Variants in LPAR1 observed in about 807,000 individuals in gnomAD.
The protein encoded by LPAR1 is LPA receptor 1.
In LPAR1, 5 loss-of-function variants were observed where a neutral mutation model predicts 23.8. That is an observed-to-expected ratio of 0.21 (90% CI 0.11 to 0.44). LPAR1 has a LOEUF of 0.44. LPAR1 is among the 20% of genes least tolerant of loss of function. The probability of loss-of-function intolerance (pLI) is 0.99; values close to 1 mark genes in which losing one functional copy is unlikely to be tolerated. For missense variants in LPAR1, 311 were observed against 482.8 expected (o/e 0.64, Z 3.33); for synonymous variants, 160 against 164.7 (o/e 0.97, Z 0.22).
intron 5 of LPAR1, among the ~76,000 whole-genome samples, chr9:110,922,991 C>G (rs2093744353): frequency 6.6e-6 from 1 of 151,954 alleles, no homozygotes; most frequent in African/African-American, 2.4e-5. Flanking sequence ...CCTCCCTCAG[C>G]CCCCCAACCC....
At chr9:111,004,166 G>A (rs999468877) in intron 2 of LPAR1, among the ~76,000 whole-genome samples, 1 of 152,210 alleles carries the variant, frequency 6.6e-6, no homozygotes, top group South Asian at 2.1e-4. Context: ...CACCAATTTT[G>A]GCTAACAATG....
intron 2 of LPAR1, among the ~76,000 whole-genome samples, chr9:110,980,476 C>T (rs1191889394): frequency 4.0e-5 from 6 of 151,828 alleles, no homozygotes; most frequent in Non-Finnish European, 4.4e-5. Context: ...TGCAGCAACA[C>T]GGGTGAGCCT....
rs2095494458 is a variant in LPAR1 at position 110,949,278 on chromosome 9, C to G, written c.46-7110G>C. Among the ~76,000 whole-genome samples the G allele has an allele frequency of 2.6e-5, 4 of 152,148 alleles. No individual in the cohort carries two copies. In the South Asian group the frequency reaches 6.2e-4, roughly 24 times the overall value. On this transcript the variant is annotated intron_variant, in intron 4 of 5. Transcript: ENST00000683809. ...CTCATCTTCCAAAAGGAAAAAAACA[C>G]AGGAGGATGCCACATGTGAGAATCC... is the stretch of plus-strand genomic sequence containing the variant.
At chr9:110,992,270 A>G (rs142274312) in intron 2 of LPAR1, among the ~76,000 whole-genome samples, 1 of 152,206 alleles carries the variant, frequency 6.6e-6, no homozygotes, top group East Asian at 1.9e-4. Context: ...AAGAGCAATT[A>G]GGAAAAATGC....
chr9:110,943,550 A>G (rs2095253666), intron 4 of LPAR1, among the ~76,000 whole-genome samples: 1 of 152,060 alleles, frequency 6.6e-6, no homozygotes, highest in Admixed American at 6.6e-5. Flanking sequence ...TTATCTCTTT[A>G]CTTGTCTGCT....
intron 5 of LPAR1, among the ~76,000 whole-genome samples, chr9:110,931,827 G>A (rs1301857329): frequency 6.6e-6 from 1 of 152,222 alleles, no homozygotes; most frequent in Non-Finnish European, 1.5e-5. Flanking sequence ...AGATCAGATG[G>A]TTGTAGATAT....
chr9:111,001,866 G>C (rs770770013), intron 2 of LPAR1, among the ~76,000 whole-genome samples: 2 of 152,140 alleles, frequency 1.3e-5, no homozygotes, highest in Non-Finnish European at 2.9e-5. Flanking sequence ...TCAGCAGACA[G>C]ATTAAAAGCT....
chr9:111,031,580 C>A (rs1019697229), intron 2 of LPAR1, among the ~76,000 whole-genome samples: 1 of 152,040 alleles, frequency 6.6e-6, no homozygotes, highest in Non-Finnish European at 1.5e-5. Context: ...CACTGCACTC[C>A]AAGACCCTAT....
chr9:110,900,878 G>A (rs1156418618), intron 5 of LPAR1, among the ~76,000 whole-genome samples: 1 of 152,164 alleles, frequency 6.6e-6, no homozygotes, highest in African/African-American at 2.4e-5. Context: ...CCTTCCCTGT[G>A]TTTTTTAGAT....
chr9:110,891,017 TATAAGGG>T (rs2083991151), intron 5 of LPAR1, among the ~76,000 whole-genome samples: 1 of 152,160 alleles, frequency 6.6e-6, no homozygotes, highest in Non-Finnish European at 1.5e-5. Flanking sequence ...ATTCCACTAA[TATAAGGG>T]ATAAGAAAAG....
intron 2 of LPAR1, among the ~76,000 whole-genome samples, chr9:110,979,993 T>C (rs1437558003): frequency 6.6e-6 from 1 of 152,000 alleles, no homozygotes; most frequent in Non-Finnish European, 1.5e-5. Context: ...GAACAATTAG[T>C]TTAAATAGAA....
At chr9:110,885,193 TTG>T (rs1435262761) in intron 5 of LPAR1, among the ~76,000 whole-genome samples, 3 of 152,228 alleles carry the variant, frequency 2.0e-5, no homozygotes, top group East Asian at 3.8e-4. Context: ...TGACGTTATT[TTG>T]TGTTTCCTAT....
At chr9:110,905,868 T>A (rs1365752101) in intron 5 of LPAR1, among the ~76,000 whole-genome samples, 1 of 152,318 alleles carries the variant, frequency 6.6e-6, no homozygotes, top group East Asian at 1.9e-4. Context: ...TGGCTGCGTG[T>A]CCTGGCTCAA....
chr9:110,977,885 AAGGAAGGAAGGAAGGAAG>A, intron 2 of LPAR1, among the ~76,000 whole-genome samples: 2 of 150,136 alleles, frequency 1.3e-5, no homozygotes, highest in African/African-American at 2.4e-5. Flanking sequence ...GGAAGGAAGG[AAGGAAGGAAGGAAGGAAG>A]GAAGGAAAGA....
intron 2 of LPAR1, among the ~76,000 whole-genome samples, chr9:110,981,773 A>C (rs768733366): frequency 6.6e-6 from 1 of 152,148 alleles, no homozygotes; most frequent in Non-Finnish European, 1.5e-5. Context: ...AAATAAACAA[A>C]TTTACAAGAA....
At chr9:110,999,465 C>G in intron 2 of LPAR1, 1 of 455,626 alleles carries the variant, frequency 2.2e-6, no homozygotes, top group Admixed American at 2.4e-5. Context: ...GCCCTGCTTT[C>G]TAAAACAACC....
intron 1 of LPAR1, among the ~76,000 whole-genome samples, chr9:111,036,687 G>A (rs971569072): frequency 2.0e-5 from 3 of 152,106 alleles, no homozygotes; most frequent in Non-Finnish European, 4.4e-5. Context: ...TTGCGGGCTC[G>A]GATGATGACA....
intron 4 of LPAR1, among the ~76,000 whole-genome samples, chr9:110,964,145 C>G (rs904408430): frequency 1.3e-5 from 2 of 152,152 alleles, no homozygotes; most frequent in Non-Finnish European, 2.9e-5. Context: ...TTTTTGTATT[C>G]TTCAGTTGTG....
chr9:110,919,629 TC>T (rs1220718015), intron 5 of LPAR1, among the ~76,000 whole-genome samples: 5 of 152,322 alleles, frequency 3.3e-5, no homozygotes, highest in Non-Finnish European at 5.9e-5. Flanking sequence ...AACTTCAGAC[TC>T]CTCTCTTAAC....
Sources: allele counts gnomAD v4.1 joint callset (sites outside exome capture counted in the v4.1 genomes callset), GRCh38; gene constraint gnomAD v4.1.1; transcripts MANE v1.5; gene names NCBI Gene and HGNC (gene_info 2026-07-23, HGNC 2026-07-21).